ZNF438: variants seen among roughly 807,000 people sequenced by gnomAD.
The protein encoded by ZNF438 is zinc finger protein 438.
A neutral mutation model predicts 38.0 loss-of-function variants in ZNF438; 25 were observed. The observed-to-expected ratio is 0.66, with a 90% confidence interval of 0.48 to 0.92. ZNF438 has a LOEUF of 0.92. Among genes scored for constraint, ZNF438 ranks in the 40% least tolerant of loss-of-function variants. ZNF438 has a pLI of 0.00. For missense variants in ZNF438, 1,007 were observed against 999.6 expected, an observed-to-expected ratio of 1.01 and a Z score of -0.10; for synonymous variants, 372 against 364.1, an observed-to-expected ratio of 1.02 and a Z score of -0.25.
chr10:30,998,524 CAGAG>C (rs1444603881), intron 1 of ZNF438, among the ~76,000 whole-genome samples: 9 of 109,460 alleles, frequency 8.2e-5, no homozygotes, highest in Admixed American at 1.3e-4. Context: ...GCCTGGGTGA[CAGAG>C]AGAGACTGTC....
intron 1 of ZNF438, among the ~76,000 whole-genome samples, chr10:30,981,596 G>A (rs549390558): frequency 6.6e-6 from 1 of 152,284 alleles, no homozygotes; most frequent in South Asian, 2.1e-4. Context: ...AAAATGTTCA[G>A]GCCGGGCGTG....
intron 1 of ZNF438, among the ~76,000 whole-genome samples, chr10:30,981,150 A>T (rs1028209822): frequency 6.6e-6 from 1 of 152,206 alleles, no homozygotes; most frequent in Non-Finnish European, 1.5e-5. Context: ...CATATGATCA[A>T]CGAAGCACAC....
intron 2 of ZNF438, among the ~76,000 whole-genome samples, chr10:30,940,895 GA>G (rs1175055501): frequency 3.3e-5 from 5 of 151,806 alleles, no homozygotes; most frequent in African/African-American, 1.2e-4. Context: ...AAATAACTTA[GA>G]AAAGTTGTAT....
intron 1 of ZNF438, among the ~76,000 whole-genome samples, chr10:30,949,429 T>C (rs183899394): frequency 1.3e-4 from 20 of 151,884 alleles, no homozygotes; most frequent in African/African-American, 3.9e-4. Context: ...ATGGACTAAA[T>C]GCTCCAATTA....
intron 1 of ZNF438, among the ~76,000 whole-genome samples, chr10:31,031,631 G>A (rs2057300619): frequency 6.6e-6 from 1 of 151,962 alleles, no homozygotes; most frequent in South Asian, 2.1e-4. Flanking sequence ...CCGGCCCCAC[G>A]GGGCGCGGCC....
At chr10:30,849,237 G>A in exon 5 of ZNF438, 1 of 1,613,946 alleles carries the variant, frequency 6.2e-7, no homozygotes, top group Non-Finnish European at 8.5e-7. Context: ...ATTTCATCTG[G>A]TACCTTCCGT....
At chr10:30,870,550 G>A (rs563202320) in intron 4 of ZNF438, among the ~76,000 whole-genome samples, 2 of 152,154 alleles carry the variant, frequency 1.3e-5, no homozygotes, top group African/African-American at 2.4e-5. Context: ...TGTGCTCTAC[G>A]GAGAAAACAC....
chr10:30,919,372 T>C (rs1463046264), intron 2 of ZNF438: 1 of 152,242 alleles, frequency 6.6e-6, no homozygotes, highest in Non-Finnish European at 1.5e-5. Context: ...TTAACTTTTT[T>C]CCTCTACTCT....
At chr10:30,864,510 C>T (rs1365951872) in intron 4 of ZNF438, among the ~76,000 whole-genome samples, 1 of 152,204 alleles carries the variant, frequency 6.6e-6, no homozygotes, top group Admixed American at 6.5e-5. Context: ...GATGATATTA[C>T]ATTATCTGTC....
At chr10:30,902,724 A>T (rs375770859) in intron 3 of ZNF438, among the ~76,000 whole-genome samples, 84 of 152,348 alleles carry the variant, frequency 5.5e-4, no homozygotes, top group African/African-American at 1.8e-3. Flanking sequence ...AGTCCTCACT[A>T]GACTCAGGAG....
At chr10:30,977,062 C>A (rs1426456309) in intron 1 of ZNF438, among the ~76,000 whole-genome samples, 2 of 152,052 alleles carry the variant, frequency 1.3e-5, no homozygotes, top group Non-Finnish European at 2.9e-5. Flanking sequence ...TCTAGAAAAG[C>A]AGAATGCCAT....
chr10:30,952,193 G>C (rs1215248271), intron 1 of ZNF438, among the ~76,000 whole-genome samples: 1 of 151,600 alleles, frequency 6.6e-6, no homozygotes, highest in Non-Finnish European at 1.5e-5. Flanking sequence ...AAACTGGCTA[G>C]ACATATGTAG....
In ZNF438 at chr10:30,985,502, G is replaced by A. The variant is rs374652933; in HGVS notation, c.-191-43851C>T. On this transcript the variant is annotated intron_variant, in intron 1 of 5. Coordinates refer to ENST00000413025, the Ensembl canonical transcript of ZNF438. ...TGTTGCCAGCTTTCTGTCAGCATCA[G>A]GAGATGTACCAACCAGAAAAATCAG... is the stretch of plus-strand genomic sequence containing the variant. Among the ~76,000 whole-genome samples, 3 of 152,318 alleles carry A rather than the reference G, an allele frequency of 2.0e-5. No individual in the cohort carries two copies. The East Asian group carries it at 5.8e-4, about 29-fold the overall frequency.
At chr10:30,850,537 G>A (rs2033406299) in intron 4 of ZNF438, among the ~76,000 whole-genome samples, 170 bp from the exon 6 acceptor site, 1 of 152,132 alleles carries the variant, frequency 6.6e-6, no homozygotes. Context: ...ATCAATTCCT[G>A]CCTACCTTCC....
intron 4 of ZNF438, among the ~76,000 whole-genome samples, chr10:30,862,260 GA>G (rs1365476251): frequency 6.6e-6 from 1 of 152,124 alleles, no homozygotes; most frequent in Non-Finnish European, 1.5e-5. Flanking sequence ...GGCATGGCAA[GA>G]AATCTTCCAC....
intron 1 of ZNF438, among the ~76,000 whole-genome samples, chr10:30,983,430 G>C (rs114000608): frequency 3.3e-5 from 5 of 152,298 alleles, no homozygotes; most frequent in Non-Finnish European, 7.3e-5. Context: ...GGAATAGTGT[G>C]AAGGGGGAGG....
intron 1 of ZNF438, among the ~76,000 whole-genome samples, chr10:31,010,406 T>A (rs17229781): frequency 6.6e-6 from 1 of 152,092 alleles, no homozygotes; most frequent in African/African-American, 2.4e-5. Flanking sequence ...GTAGTCCTAA[T>A]TCAGAGCTGA....
At chr10:30,930,835 G>T (rs1315281123) in intron 2 of ZNF438, among the ~76,000 whole-genome samples, 3 of 39,110 alleles carry the variant, frequency 7.7e-5, no homozygotes, top group Non-Finnish European at 1.6e-4. Context: ...AAAAAAAAAA[G>T]CAAATGGTTC....
At chr10:31,028,004 G>A (rs1206449371) in intron 1 of ZNF438, among the ~76,000 whole-genome samples, 1 of 152,092 alleles carries the variant, frequency 6.6e-6, no homozygotes, top group Non-Finnish European at 1.5e-5. Flanking sequence ...GGTATGCCAT[G>A]AAAGATCTAC....
Sources: gnomAD v4.1 joint callset for allele counts (sites outside exome capture counted in the v4.1 genomes callset) on GRCh38, gnomAD v4.1.1 for gene constraint, MANE v1.5 for transcripts, NCBI Gene and HGNC (gene_info 2026-07-23, HGNC 2026-07-21) for gene names.